The following BMERB1 variants were observed in gnomAD, a reference collection of about 807,000 sequenced individuals.
The protein encoded by BMERB1 is bMERB domain containing 1.
A neutral mutation model predicts 23.6 loss-of-function variants in BMERB1; 12 were observed. The ratio of observed to expected loss-of-function variants is 0.51; its 90% CI spans 0.33 to 0.82. The LOEUF (loss-of-function observed/expected upper bound fraction) is 0.82. BMERB1 is among the 40% of genes least tolerant of loss of function. The pLI is 0.03. For missense variants in BMERB1, 247 were observed against 255.4 expected, an observed-to-expected ratio of 0.97 and a Z score of 0.22; for synonymous variants, 122 against 96.6, an observed-to-expected ratio of 1.26 and a Z score of -1.54.
chr16:15,538,076 G>C (rs2052042128), intron 2 of BMERB1, among the ~76,000 whole-genome samples: 1 of 152,182 alleles, frequency 6.6e-6, no homozygotes, highest in African/African-American at 2.4e-5. Flanking sequence ...AACACTTTGG[G>C]AAATGCCTGA....
At chr16:15,525,640 G>C (rs1013338733) in intron 2 of BMERB1, among the ~76,000 whole-genome samples, 11 of 151,864 alleles carry the variant, frequency 7.2e-5, no homozygotes, top group South Asian at 6.3e-4. Flanking sequence ...GGGAGGTGGA[G>C]GTTGCAGTGA....
chr16:15,461,470 A>G (rs1008284422), intron 1 of BMERB1, among the ~76,000 whole-genome samples: 1 of 152,078 alleles, frequency 6.6e-6, no homozygotes, highest in African/African-American at 2.4e-5. Context: ...AACTCATTCT[A>G]TGTGATCTCT....
At chr16:15,549,565 G>C (rs1356798265) in intron 2 of BMERB1, among the ~76,000 whole-genome samples, 1 of 151,834 alleles carries the variant, frequency 6.6e-6, no homozygotes, top group Non-Finnish European at 1.5e-5. Flanking sequence ...TGTAGTCCCA[G>C]CTACTCAGGA....
At chr16:15,459,504 T>G (rs1279834669) in intron 1 of BMERB1, among the ~76,000 whole-genome samples, 1 of 151,934 alleles carries the variant, frequency 6.6e-6, no homozygotes, top group African/African-American at 2.4e-5. Flanking sequence ...GAAGAAAATT[T>G]AAGACAAAAA....
At chr16:15,461,983 C>G (rs890661644) in intron 1 of BMERB1, among the ~76,000 whole-genome samples, 3 of 151,992 alleles carry the variant, frequency 2.0e-5, no homozygotes. Flanking sequence ...AAACAAAAAA[C>G]TCCCCCAAAC....
At chr16:15,578,039 C>T (rs1321190073) in intron 3 of BMERB1, among the ~76,000 whole-genome samples, 1 of 152,222 alleles carries the variant, frequency 6.6e-6, no homozygotes, top group African/African-American at 2.4e-5. Flanking sequence ...CTGACATCAC[C>T]TGATGGTTGC....
intron 2 of BMERB1, among the ~76,000 whole-genome samples, chr16:15,522,260 G>A (rs1012500462): frequency 1.3e-5 from 2 of 152,206 alleles, no homozygotes; most frequent in African/African-American, 4.8e-5. Flanking sequence ...GTAGGCGTGC[G>A]AAGGACATAT....
chr16:15,475,842 C>T (rs1401636886), intron 1 of BMERB1, among the ~76,000 whole-genome samples: 2 of 152,044 alleles, frequency 1.3e-5, no homozygotes, highest in African/African-American at 2.4e-5. Flanking sequence ...TGTGAAAATA[C>T]ACACAAAGTA....
At chr16:15,462,506 A>G (rs1037512258) in intron 1 of BMERB1, among the ~76,000 whole-genome samples, 1 of 152,044 alleles carries the variant, frequency 6.6e-6, no homozygotes. Context: ...ATGAGCTCAC[A>G]TGACTAGGGG....
chr16:15,465,098 A>G (rs2051169496), intron 1 of BMERB1, among the ~76,000 whole-genome samples: 1 of 152,102 alleles, frequency 6.6e-6, no homozygotes, highest in Non-Finnish European at 1.5e-5. Context: ...ATGTGATAAA[A>G]TTGCACAGAA....
At chr16:15,522,690 AG>A (rs2051867834) in intron 2 of BMERB1, among the ~76,000 whole-genome samples, 1 of 152,152 alleles carries the variant, frequency 6.6e-6, no homozygotes, top group Admixed American at 6.5e-5. Context: ...AAATGGGAAA[AG>A]TTCCCTTGTC....
intron 3 of BMERB1, among the ~76,000 whole-genome samples, chr16:15,573,007 CTG>C (rs2030768906): frequency 1.3e-5 from 2 of 152,194 alleles, no homozygotes; most frequent in South Asian, 2.1e-4. Flanking sequence ...CCACGTGGAA[CTG>C]TGAGTCCATT....
intron 1 of BMERB1, among the ~76,000 whole-genome samples, chr16:15,436,290 C>A (rs570160212): frequency 8.1e-5 from 11 of 136,512 alleles, no homozygotes; most frequent in African/African-American, 2.5e-4. Flanking sequence ...CGGAGTTTCG[C>A]TCTTGTTGCC....
At chr16:15,484,785 T>A (rs1374021209) in intron 1 of BMERB1, among the ~76,000 whole-genome samples, 1 of 152,240 alleles carries the variant, frequency 6.6e-6, no homozygotes, top group Non-Finnish European at 1.5e-5. Flanking sequence ...AGTGGCTTTA[T>A]GTACATTCAC....
intron 1 of BMERB1, among the ~76,000 whole-genome samples, chr16:15,501,185 G>T (rs1458819424): frequency 6.6e-6 from 1 of 151,148 alleles, no homozygotes; most frequent in Non-Finnish European, 1.5e-5. Context: ...TTGCTATGTT[G>T]CCTAGGTTGG....
At chr16:15,495,810 G>A (rs2051466931) in intron 1 of BMERB1, among the ~76,000 whole-genome samples, 1 of 152,202 alleles carries the variant, frequency 6.6e-6, no homozygotes, top group Non-Finnish European at 1.5e-5. Context: ...TATGAGGTGG[G>A]ATATTCCCAG....
chr16:15,463,621 A>G (rs944504846), intron 1 of BMERB1, among the ~76,000 whole-genome samples: 15 of 152,126 alleles, frequency 9.9e-5, no homozygotes, highest in Non-Finnish European at 2.1e-4. Context: ...CTCCTCTAAT[A>G]TATTTTCAGT....
intron 1 of BMERB1, among the ~76,000 whole-genome samples, chr16:15,487,023 G>T (rs1391525736): frequency 2.6e-5 from 4 of 152,182 alleles, no homozygotes; most frequent in Non-Finnish European, 5.9e-5. Context: ...ATTTCATTAT[G>T]ACAGATTGTT....
chr16:15,463,417 T>G (rs1358638130), intron 1 of BMERB1, among the ~76,000 whole-genome samples: 1 of 152,132 alleles, frequency 6.6e-6, no homozygotes, highest in Non-Finnish European at 1.5e-5. Context: ...AAGGCATCCT[T>G]TGAACCACTG....
Sources: gnomAD v4.1 joint callset for allele counts (sites outside exome capture counted in the v4.1 genomes callset) on GRCh38, gnomAD v4.1.1 for gene constraint, MANE v1.5 for transcripts, NCBI Gene and HGNC (gene_info 2026-07-23, HGNC 2026-07-21) for gene names.